ZZEF1: variants seen among roughly 807,000 people sequenced by gnomAD.
The protein encoded by ZZEF1 is zinc finger ZZ-type and EF-hand domain containing 1, also known as zinc finger ZZ-type and EF-hand domain-containing protein 1.
A neutral mutation model predicts 342.8 loss-of-function variants in ZZEF1; 157 were observed. The ratio of observed to expected loss-of-function variants is 0.46; its 90% CI spans 0.40 to 0.52. The LOEUF (loss-of-function observed/expected upper bound fraction) is 0.52. ZZEF1 is among the 20% of genes least tolerant of loss of function. The probability of loss-of-function intolerance (pLI) is 0.00; values close to 1 mark genes in which losing one functional copy is unlikely to be tolerated. For missense variants in ZZEF1, 3,480 were observed against 3,725.6 expected (o/e 0.93, Z 1.72); for synonymous variants, 1,505 against 1,429.1 (o/e 1.05, Z -1.20).
intron 39 of ZZEF1, among the ~76,000 whole-genome samples, chr17:4,038,696 T>G (rs2056731102): frequency 6.6e-6 from 1 of 152,042 alleles, no homozygotes; most frequent in African/African-American, 2.4e-5. Flanking sequence ...TCCCAGCTAC[T>G]TGGGAGGCTG....
intron 18 of ZZEF1, among the ~76,000 whole-genome samples, chr17:4,081,076 A>T (rs1364531531): frequency 6.6e-6 from 1 of 152,052 alleles, no homozygotes; most frequent in Non-Finnish European, 1.5e-5. Flanking sequence ...CATCTCTACA[A>T]ATAATTTAAA....
intron 52 of ZZEF1, 133 bp downstream of exon 52, chr17:4,013,316 G>T: frequency 1.1e-6 from 1 of 883,698 alleles, no homozygotes; most frequent in Non-Finnish European, 1.6e-6. Flanking sequence ...TAAAGCAAAT[G>T]ACTGAAAAAC....
rs1432240187 is a variant in ZZEF1, at chr17:4,050,973, T to G, written c.5671A>C (p.Ile1891Leu). 3.1e-6 allele frequency: 5 copies of G among 1,614,094 alleles called. No individual in the cohort carries two copies. The African/African-American group carries it at 6.7e-5, about 22-fold the overall frequency. Residue 1891 changes from isoleucine (I) to leucine (L), a missense_variant, in exon 36 of 55, where the codon ATC (isoleucine) becomes CTC (leucine). Ile to Leu is a conservative substitution (Grantham distance 5). Coordinates refer to ENST00000381638, the MANE Select transcript of ZZEF1 (RefSeq NM_015113.4). The part of the protein sequence containing the change: ...TIRISDRQRL[I>L]QPYIHNYSWL... ...GAGTAGTTATGGATATATGGCTGGA[T>G]GAGCCTCTGCCGGTCACTGATCCGA... is the stretch of plus-strand genomic sequence containing the variant.
intron 1 of ZZEF1, among the ~76,000 whole-genome samples, chr17:4,124,514 G>T (rs1052590429): frequency 6.6e-6 from 1 of 152,002 alleles, no homozygotes; most frequent in African/African-American, 2.4e-5. Context: ...GCGACCTCAG[G>T]TCAGTGCAAC....
At chr17:4,073,430 C>T (rs1301459541) in intron 24 of ZZEF1, among the ~76,000 whole-genome samples, 2 of 150,476 alleles carry the variant, frequency 1.3e-5, no homozygotes, top group African/African-American at 5.0e-5. Flanking sequence ...CTGAACACAT[C>T]TTTTTCCTTT....
rs545893913 is a variant in ZZEF1 at position 4,097,205 on chromosome 17, T to C, written c.1673-505A>G. Among the ~76,000 whole-genome samples the C allele has an allele frequency of 1.1e-4, 16 of 151,080 alleles. No individual in the cohort carries two copies. The East Asian group carries it at 2.3e-3, about 22-fold the overall frequency. On this transcript the variant is annotated intron_variant, in intron 9 of 54. Coordinates refer to ENST00000381638, the MANE Select transcript of ZZEF1 (RefSeq NM_015113.4). The stretch of plus-strand genomic sequence containing the variant: ...GAACCCGGGAGGCGGAGCTTGGAGA[T>C]TGTGCCACTGCACTCCAGCCTGGGC...
chr17:4,076,775 T>A lies in ZZEF1; in HGVS notation c.3112-16A>T. On this transcript the variant is annotated splice_polypyrimidine_tract_variant and intron_variant, in intron 20 of 54. Transcript: ENST00000381638. The stretch of plus-strand genomic sequence containing the variant: ...GGAAGATAACCTAATGGAAGATGGA[T>A]GAAGCACTCAGCGTCCACCTTAGGC... 6.2e-7 allele frequency: 1 copy of A among 1,605,176 alleles called. No individual in the cohort carries two copies. The highest frequency in any genetic ancestry group is 1.1e-5 in the South Asian group (1 of 90,988).
intron 16 of ZZEF1, among the ~76,000 whole-genome samples, chr17:4,083,417 A>G (rs1041355839): frequency 7.2e-5 from 11 of 152,212 alleles, no homozygotes; most frequent in African/African-American, 2.7e-4. Flanking sequence ...GTAACTCACA[A>G]TGTGAGAAGT....
rs556735565 is a variant in ZZEF1, at chr17:4,123,772, G to A, written c.499+135C>T. The A allele has an allele frequency of 2.5e-5, 25 of 983,374 alleles. No individual in the cohort carries two copies. In the South Asian group the frequency reaches 4.7e-4, roughly 19 times the overall value. 60.9% of individuals were successfully genotyped at this position (983,374 alleles called of 1,614,324 possible). A position where few individuals can be genotyped will look rare whatever the true frequency, so the allele number is the denominator to read the frequency against. ...GATGAAAGAGATGACTAAAGGAAAT[G>A]CTAATTCAGATCGGGAGCCTAATGA... On this transcript the variant is annotated intron_variant, in intron 2 of 54. Coordinates refer to ENST00000381638, the MANE Select transcript of ZZEF1 (RefSeq NM_015113.4).
At chr17:4,110,877 G>C (rs1257111813) in intron 5 of ZZEF1, among the ~76,000 whole-genome samples, 1 of 152,074 alleles carries the variant, frequency 6.6e-6, no homozygotes, top group African/African-American at 2.4e-5. Flanking sequence ...ACCACGCCCG[G>C]CTAATTTTTG....
chr17:4,100,417 C>T (rs1270464980), intron 9 of ZZEF1, among the ~76,000 whole-genome samples: 1 of 152,142 alleles, frequency 6.6e-6, no homozygotes, highest in East Asian at 1.9e-4. Context: ...AACAAATCCA[C>T]AAACTACAGC....
At chr17:4,068,967 C>T (rs758639294) in intron 26 of ZZEF1, among the ~76,000 whole-genome samples, 10 of 152,202 alleles carry the variant, frequency 6.6e-5, no homozygotes, top group Non-Finnish European at 1.3e-4. Flanking sequence ...ATATCTATAT[C>T]ACAAAGGCAG....
chr17:4,022,501 C>T (rs962120389), intron 44 of ZZEF1: 2 of 566,640 alleles, frequency 3.5e-6, no homozygotes, highest in Non-Finnish European at 6.0e-6. Flanking sequence ...GTTCTTTGAA[C>T]AAACATTAAA....
At chr17:4,117,980 T>C (rs1286946534) in intron 2 of ZZEF1, among the ~76,000 whole-genome samples, 1 of 151,546 alleles carries the variant, frequency 6.6e-6, no homozygotes, top group Non-Finnish European at 1.5e-5. Flanking sequence ...CACAGTAAGG[T>C]GAGGGGAGGC....
chr17:4,059,384 C>A, intron 30 of ZZEF1, 94 bp from the exon 31 acceptor site: 1 of 1,492,866 alleles, frequency 6.7e-7, no homozygotes, highest in South Asian at 1.3e-5. Context: ...GAGCAAGTGG[C>A]AGTCAGCTGA....
rs2058023856 is a variant in ZZEF1 at position 4,095,820 on chromosome 17, T to C, written c.1913+11A>G. ...AGATCTTTGTTCTACAAAGATTTTT[T>C]ACCTTCTTACCTGCTTTTTACAAAT... On this transcript the variant is annotated intron_variant, in intron 11 of 54. Transcript: ENST00000381638. 1 of 1,592,764 alleles carries C rather than the reference T, an allele frequency of 6.3e-7. No homozygotes were observed. The highest frequency in any genetic ancestry group is 1.4e-5 in the African/African-American group (1 of 73,694).
At chr17:4,082,384 C>G in intron 17 of ZZEF1, 53 bp downstream of exon 17, 1 of 1,583,554 alleles carries the variant, frequency 6.3e-7, no homozygotes, top group Non-Finnish European at 8.6e-7. Flanking sequence ...CTCAAGAAAA[C>G]AACTTTGCAA....
At chr17:4,104,138 A>G (rs2058171672) in intron 8 of ZZEF1, among the ~76,000 whole-genome samples, 1 of 152,174 alleles carries the variant, frequency 6.6e-6, no homozygotes, top group Non-Finnish European at 1.5e-5. Context: ...GCTAGGCCCA[A>G]GGGGGGAAAG....
chr17:4,036,847 C>T (rs1026504040), intron 39 of ZZEF1, among the ~76,000 whole-genome samples: 1 of 147,088 alleles, frequency 6.8e-6, no homozygotes, highest in Non-Finnish European at 1.5e-5. Context: ...TCTCTCTCCC[C>T]GCACCCCGCC....
Sources: allele counts gnomAD v4.1 joint callset (sites outside exome capture counted in the v4.1 genomes callset), GRCh38; gene constraint gnomAD v4.1.1; transcripts MANE v1.5; gene names NCBI Gene and HGNC (gene_info 2026-07-23, HGNC 2026-07-21).